The following XCR1 variants were observed in gnomAD, a reference collection of about 807,000 sequenced individuals.
XCR1 encodes the protein chemokine XC receptor 1.
For missense variants in XCR1, 356 were observed against 424.2 expected (o/e 0.84, Z 1.41); for synonymous variants, 187 against 188.5 (o/e 0.99, Z 0.06).
chr3:46,081,812 G>T (rs542589615), intron 1 of XCR1, among the ~76,000 whole-genome samples: 3 of 152,072 alleles, frequency 2.0e-5, no homozygotes, highest in Non-Finnish European at 4.4e-5. Context: ...CAGGTAGTGA[G>T]CATAGTACCC....
intron 5 of XCR1, among the ~76,000 whole-genome samples, chr3:46,043,729 CACACACACACACACACACACACACA>C: frequency 1.1e-5 from 1 of 91,466 alleles, no homozygotes; most frequent in African/African-American, 6.6e-5. Flanking sequence ...CACACACACA[CACACACACACACACACACACACACA>C]CACACACAAG....
At chr3:46,036,414 G>A (rs1559483714) in intron 5 of XCR1, among the ~76,000 whole-genome samples, 6 of 152,220 alleles carry the variant, frequency 3.9e-5, no homozygotes, top group Non-Finnish European at 2.9e-5. Flanking sequence ...GTGTGCATAT[G>A]CATGTCTAGA....
intron 5 of XCR1, among the ~76,000 whole-genome samples, chr3:46,045,929 A>G (rs1697616648): frequency 6.6e-6 from 1 of 152,254 alleles, no homozygotes; most frequent in East Asian, 1.9e-4. Context: ...TGTTTATTGA[A>G]GTACTATTCA....
chr3:46,074,814 C>A (rs1271798856), intron 2 of XCR1, among the ~76,000 whole-genome samples: 1 of 152,078 alleles, frequency 6.6e-6, no homozygotes, highest in Non-Finnish European at 1.5e-5. Context: ...CCAGTTTAAA[C>A]CCATGTTGTT....
chr3:46,028,346 C>G (rs975944605), upstream of XCR1, among the ~76,000 whole-genome samples: 1 of 151,958 alleles, frequency 6.6e-6, no homozygotes, highest in Admixed American at 6.6e-5. Flanking sequence ...TGTTGAGCAT[C>G]TTTTTATATG....
At chr3:46,040,152 G>A (rs868361467) in intron 5 of XCR1, among the ~76,000 whole-genome samples, 1 of 152,124 alleles carries the variant, frequency 6.6e-6, no homozygotes, top group South Asian at 2.1e-4. Context: ...TAAAGGAAGG[G>A]AGACAGGTTT....
intron 4 of XCR1, among the ~76,000 whole-genome samples, chr3:46,065,511 T>G (rs2125901823): frequency 6.6e-6 from 1 of 152,312 alleles, no homozygotes; most frequent in East Asian, 1.9e-4. Context: ...TATCATATGA[T>G]ACTCCCTTGA....
intron 1 of XCR1, chr3:46,023,859 G>T: frequency 5.9e-6 from 9 of 1,529,502 alleles, no homozygotes; most frequent in Non-Finnish European, 8.1e-6. Context: ...TTGTGGCTGA[G>T]AATGAAAGAT....
chr3:46,061,382 A>G (rs1024438340), intron 4 of XCR1, among the ~76,000 whole-genome samples: 1 of 152,190 alleles, frequency 6.6e-6, no homozygotes, highest in African/African-American at 2.4e-5. Context: ...CATAACTTCA[A>G]TTCCTGCCAC....
At chr3:46,031,891 G>T (rs576315363), upstream of XCR1, among the ~76,000 whole-genome samples, 7 of 152,168 alleles carry the variant, frequency 4.6e-5, no homozygotes, top group African/African-American at 1.7e-4. Context: ...GCTGAGAGCC[G>T]CAGAGACAAT....
upstream of XCR1, among the ~76,000 whole-genome samples, chr3:46,028,729 A>G (rs926858303): frequency 1.3e-5 from 2 of 151,890 alleles, no homozygotes; most frequent in African/African-American, 4.8e-5. Context: ...AGCTAAGACT[A>G]TAGGTACACA....
chr3:46,058,451 A>G (rs1271777725), intron 4 of XCR1, among the ~76,000 whole-genome samples: 2 of 152,236 alleles, frequency 1.3e-5, no homozygotes. Context: ...GTCTCTGTAG[A>G]TGCAGGACTG....
chr3:46,028,617 G>GCCCTCA (rs1224918438), upstream of XCR1, among the ~76,000 whole-genome samples: 82 of 150,242 alleles, frequency 5.5e-4, 6 homozygotes, highest in East Asian at 6.8e-3. Flanking sequence ...TTTGAGGCAG[G>GCCCTCA]CCCTCACTCT....
intron 3 of XCR1, among the ~76,000 whole-genome samples, chr3:46,074,642 T>C (rs1408255874): frequency 6.6e-6 from 1 of 151,976 alleles, no homozygotes; most frequent in Non-Finnish European, 1.5e-5. Flanking sequence ...GGAAGAAAAA[T>C]ATATTTACTA....
At chr3:46,071,132 T>C (rs1698157159) in intron 3 of XCR1, among the ~76,000 whole-genome samples, 1 of 152,294 alleles carries the variant, frequency 6.6e-6, no homozygotes, top group Non-Finnish European at 1.5e-5. Context: ...TAGAGACTAT[T>C]ATGAACAACT....
chr3:46,084,073 G>C (rs189811815), intron 1 of XCR1, among the ~76,000 whole-genome samples: 7 of 152,220 alleles, frequency 4.6e-5, no homozygotes, highest in Non-Finnish European at 1.0e-4. Context: ...GACTGGCGAT[G>C]ATGGAGCAAA....
upstream of XCR1, among the ~76,000 whole-genome samples, chr3:46,031,921 G>A (rs1275592290): frequency 1.3e-5 from 2 of 152,200 alleles, no homozygotes; most frequent in African/African-American, 2.4e-5. Flanking sequence ...TGCCTGCAGA[G>A]AGGAGCTTCC....
At chr3:46,045,083 G>A (rs764936449) in intron 5 of XCR1, among the ~76,000 whole-genome samples, 113 of 152,100 alleles carry the variant, frequency 7.4e-4, no homozygotes, top group Non-Finnish European at 1.5e-3. Context: ...AAACATAGAC[G>A]CAAAAAGCCT....
intron 3 of XCR1, among the ~76,000 whole-genome samples, chr3:46,074,592 A>C (rs1485203417): frequency 6.6e-6 from 1 of 152,106 alleles, no homozygotes; most frequent in Non-Finnish European, 1.5e-5. Context: ...GTAACAATGC[A>C]ATTGTACCAC....
Sources: allele counts gnomAD v4.1 joint callset (sites outside exome capture counted in the v4.1 genomes callset), GRCh38; gene constraint gnomAD v4.1.1; transcripts MANE v1.5; gene names NCBI Gene and HGNC (gene_info 2026-07-23, HGNC 2026-07-21).